Variants in SUMF1 observed in about 807,000 individuals in gnomAD.
SUMF1 encodes formylglycine-generating enzyme.
SUMF1 carries 48 observed loss-of-function variants against 47.6 expected under a neutral mutation model. The ratio of observed to expected loss-of-function variants is 1.01; its 90% confidence interval spans 0.80 to 1.28. SUMF1 has a LOEUF of 1.28. Among genes scored for constraint, SUMF1 ranks in the 50% most tolerant of loss-of-function variants. SUMF1 has a pLI of 0.00. For synonymous variants in SUMF1, 230 were observed against 192.1 expected (o/e 1.20, Z -1.63); for missense variants, 571 against 485.4 (o/e 1.18, Z -1.66).
intron 3 of SUMF1, among the ~76,000 whole-genome samples, chr3:4,438,229 CA>C (rs200027047): frequency 3.7e-5 from 5 of 134,586 alleles, no homozygotes; most frequent in Non-Finnish European, 8.3e-5. Flanking sequence ...GCTATAAGAG[CA>C]AAAAAAAAAA....
chr3:4,236,542 C>A (rs1461249349), intron 8 of SUMF1, among the ~76,000 whole-genome samples: 5 of 151,790 alleles, frequency 3.3e-5, no homozygotes, highest in Non-Finnish European at 4.4e-5. Flanking sequence ...TCACTTGAAC[C>A]CAGAAGTTCA....
intron 8 of SUMF1, among the ~76,000 whole-genome samples, chr3:4,211,822 G>A (rs1219089174): frequency 6.6e-6 from 1 of 152,172 alleles, no homozygotes; most frequent in African/African-American, 2.4e-5. Context: ...CAGCCAGGAA[G>A]TTCGAACTGG....
intron 3 of SUMF1, among the ~76,000 whole-genome samples, chr3:4,436,421 A>T (rs1702400696): frequency 6.6e-6 from 1 of 152,218 alleles, no homozygotes; most frequent in Non-Finnish European, 1.5e-5. Context: ...TACTGAATAC[A>T]TATAGACATA....
intron 8 of SUMF1, among the ~76,000 whole-genome samples, chr3:4,081,325 T>C (rs1158845738): frequency 6.6e-6 from 1 of 152,074 alleles, no homozygotes; most frequent in Non-Finnish European, 1.5e-5. Context: ...CAGATATCCA[T>C]CCTCTTTCTT....
Position 4,376,409 on chromosome 3 carries a change from G to T in SUMF1, c.955-20C>A, listed in dbSNP as rs933094149. The T allele has an allele frequency of 1.9e-6, 3 of 1,613,732 alleles. No individual in the cohort carries two copies. The African/African-American group carries it at 4.0e-5, about 22-fold the overall frequency. ...ACCTTTCTACAGATGAAGAAAAAAG[G>T]CTATGTTAGACCAGAAGGCAAAGCT... On this transcript the variant is annotated intron_variant, in intron 7 of 8. Transcript: ENST00000272902.
In SUMF1 at chr3:4,453,026, T is replaced by A. The variant is rs2125134091; in HGVS notation, c.294A>T (p.Val98=). ...HSKMVPIPAG[V]FTMGTDDPQI... is the part of the protein sequence containing the mutation. ...GAGGATCATCTGTGCCCATTGTAAA[T>A]ACTCCAGCAGGGATGGGGACCATCT... is the stretch of plus-strand genomic sequence containing the variant. Residue 98 remains valine (V), a synonymous_variant, in exon 2 of 9, where the codon GTA becomes GTT. Transcript: ENST00000272902. 2 of 1,613,826 alleles carry A rather than the reference T, an allele frequency of 1.2e-6. No homozygotes were observed. Among genetic ancestry groups the A allele is most frequent in the Non-Finnish European group, 1.7e-6 (2 of 1,180,000 alleles).
chr3:4,184,916 C>G (rs1695169674), intron 8 of SUMF1, among the ~76,000 whole-genome samples: 1 of 152,042 alleles, frequency 6.6e-6, no homozygotes, highest in Non-Finnish European at 1.5e-5. Context: ...TCCCAAAGAG[C>G]TAGGATTACA....
intron 8 of SUMF1, among the ~76,000 whole-genome samples, chr3:4,239,963 A>G (rs1035821109): frequency 6.6e-6 from 1 of 152,080 alleles, no homozygotes; most frequent in African/African-American, 2.4e-5. Context: ...GTTTATTGAG[A>G]GTTTTTAGCA....
chr3:4,237,693 T>A lies in SUMF1; in HGVS notation c.1014+138637A>T, dbSNP rs115055350. ...GCCTTTTGTGTTGCATCTAGAAAGATCTAAGAAGTCATTGCCAAGCCCAAG... is the reference window on the plus strand; with the variant it reads ...GCCTTTTGTGTTGCATCTAGAAAGAACTAAGAAGTCATTGCCAAGCCCAAG... On this transcript the variant is annotated intron_variant and NMD_transcript_variant, in intron 8 of 12. Transcript: ENST00000448413. Among the ~76,000 whole-genome samples the A allele has an allele frequency of 5.8e-3, 885 of 152,180 alleles. 10 individuals carry two copies. Among genetic ancestry groups the A allele is most frequent in the African/African-American group, 0.02 (842 of 41,530 alleles).
At chr3:4,061,280 G>A (rs756815904) in intron 9 of SUMF1, among the ~76,000 whole-genome samples, 12 of 152,066 alleles carry the variant, frequency 7.9e-5, no homozygotes, top group Non-Finnish European at 1.5e-4. Flanking sequence ...TCTTATTTGA[G>A]TTTCTTTCTC....
At chr3:4,177,725 C>T (rs1694998045) in intron 8 of SUMF1, among the ~76,000 whole-genome samples, 1 of 151,936 alleles carries the variant, frequency 6.6e-6, no homozygotes. Context: ...CACAAAAAAC[C>T]ATTCAAAAAA....
intron 8 of SUMF1, among the ~76,000 whole-genome samples, chr3:4,089,661 C>T (rs933323026): frequency 6.6e-6 from 1 of 152,080 alleles, no homozygotes; most frequent in Non-Finnish European, 1.5e-5. Context: ...AAGTGATATA[C>T]CAGAGATCCT....
intron 8 of SUMF1, among the ~76,000 whole-genome samples, chr3:4,275,012 C>T (rs978197949): frequency 1.3e-5 from 2 of 152,110 alleles, no homozygotes; most frequent in African/African-American, 2.4e-5. Context: ...GCAAGCATTA[C>T]CCATCAGAAG....
At chr3:4,389,715 A>AT (rs1028296826) in intron 7 of SUMF1, among the ~76,000 whole-genome samples, 7 of 152,030 alleles carry the variant, frequency 4.6e-5, no homozygotes, top group Admixed American at 3.3e-4. Context: ...CAGTTCACTG[A>AT]TTTTTCCCCC....
intron 8 of SUMF1, among the ~76,000 whole-genome samples, chr3:4,195,643 A>G (rs1338997233): frequency 6.6e-6 from 1 of 152,176 alleles, no homozygotes; most frequent in East Asian, 1.9e-4. Flanking sequence ...ATAGGCAAGG[A>G]TCTAAGCATA....
chr3:4,041,775 G>T (rs942608982), intron 9 of SUMF1, among the ~76,000 whole-genome samples: 2 of 152,190 alleles, frequency 1.3e-5, no homozygotes, highest in African/African-American at 4.8e-5. Flanking sequence ...CTACCTGCAT[G>T]AGCTATACCT....
At chr3:4,179,990 T>C (rs149955586) in intron 8 of SUMF1, among the ~76,000 whole-genome samples, 11 of 152,010 alleles carry the variant, frequency 7.2e-5, no homozygotes, top group African/African-American at 2.7e-4. Flanking sequence ...AAAACCACAA[T>C]GAGATACCAT....
intron 8 of SUMF1, among the ~76,000 whole-genome samples, chr3:4,204,959 T>G (rs1695619940): frequency 6.6e-6 from 1 of 152,142 alleles, no homozygotes; most frequent in African/African-American, 2.4e-5. Context: ...GTCACATATC[T>G]CTGTCACATG....
chr3:4,466,944 C>T lies in SUMF1; in HGVS notation c.270+32G>A, dbSNP rs752136776. On this transcript the variant is annotated intron_variant, in intron 1 of 8. Transcript: ENST00000272902. ...CAACCCCGTCCAGGAACCGAGCAGC[C>T]CCCACCCGCCTCGGAGGAATCGATG... 9 of 1,602,372 alleles carry T rather than the reference C, an allele frequency of 5.6e-6. No individual in the cohort carries two copies. In the Admixed American group the frequency reaches 1.0e-4, roughly 18 times the overall value.
Sources: allele counts gnomAD v4.1 joint callset (sites outside exome capture counted in the v4.1 genomes callset), GRCh38; gene constraint gnomAD v4.1.1; transcripts MANE v1.5; gene names NCBI Gene and HGNC (gene_info 2026-07-23, HGNC 2026-07-21).